Variants in RPS6KA6 observed in about 807,000 individuals in gnomAD.
RPS6KA6 encodes ribosomal protein S6 kinase alpha-6.
In RPS6KA6, 27 loss-of-function variants were observed where a neutral mutation model predicts 65.4. The ratio of observed to expected loss-of-function variants is 0.41; its 90% CI spans 0.30 to 0.57. RPS6KA6 has a LOEUF of 0.57. Among genes scored for constraint, RPS6KA6 ranks in the 20% least tolerant of loss-of-function variants. RPS6KA6 has a pLI of 0.24. For missense variants in RPS6KA6, 486 were observed against 555.6 expected, an observed-to-expected ratio of 0.87 and a Z score of 1.26; for synonymous variants, 190 against 184.2, an observed-to-expected ratio of 1.03 and a Z score of -0.26.
chrX:84,082,029 C>A (rs1363799816), intron 20 of RPS6KA6, among the ~76,000 whole-genome samples: 1 of 111,950 alleles, frequency 8.9e-6, no homozygotes, highest in Non-Finnish European at 1.9e-5. Context: ...CCTTTGAAAA[C>A]CGGCACAAGA....
intron 20 of RPS6KA6, among the ~76,000 whole-genome samples, chrX:84,091,328 A>C (rs1454308362): frequency 8.9e-6 from 1 of 112,726 alleles, no homozygotes; most frequent in Non-Finnish European, 1.9e-5. Flanking sequence ...TACCAGAAGA[A>C]ATGATTAGCT....
chrX:84,170,976 CTG>C lies in RPS6KA6; in HGVS notation c.82-6591_82-6590del, dbSNP rs747282100. Among the ~76,000 whole-genome samples, 19 of 111,588 alleles carry C rather than the reference CTG, an allele frequency of 1.7e-4. 1 individual carries two copies. The East Asian group carries it at 5.4e-3, about 32-fold the overall frequency. ...TTGAGAAAGTCCCCATAACGAGGGA[CTG>C]TGGCCATCCTCTAGGAACTACAGGC... On this transcript the variant is annotated intron_variant, in intron 1 of 21. Coordinates refer to ENST00000262752, the MANE Select transcript of RPS6KA6 (RefSeq NM_014496.5).
intron 10 of RPS6KA6, 65 bp from the exon 11 acceptor site, chrX:84,117,213 A>C: frequency 1.1e-6 from 1 of 916,627 alleles, no homozygotes. Context: ...GAAAAATCTC[A>C]AAAAGAACTT....
intron 1 of RPS6KA6, among the ~76,000 whole-genome samples, chrX:84,173,271 A>AT: frequency 9.0e-6 from 1 of 111,439 alleles, no homozygotes; most frequent in Non-Finnish European, 1.9e-5. Flanking sequence ...CAGGCATAGT[A>AT]TGTCATGAAA....
At chrX:84,177,954 A>T (rs6622947) in intron 1 of RPS6KA6, among the ~76,000 whole-genome samples, 6,819 of 110,445 alleles carry the variant, frequency 0.062, 228 homozygotes, top group East Asian at 0.21. Flanking sequence ...ACCACCACAC[A>T]CAGCTAATTT....
intron 3 of RPS6KA6, among the ~76,000 whole-genome samples, chrX:84,152,618 C>A (rs1569236676): frequency 9.0e-6 from 1 of 111,442 alleles, no homozygotes; most frequent in Non-Finnish European, 1.9e-5. Flanking sequence ...GTTATTCAAT[C>A]AACAAATTAA....
At position 84,154,652 on chromosome X, in the gene RPS6KA6, ACTT is replaced by A. The variant is rs1233378327; in HGVS notation, c.258+1420_258+1422del. ...TCAGTTCTATAAACATTCCCCACCAACTTCATCACCACCACCACCACCACCACC... is the reference window on the plus strand; with the variant it reads ...TCAGTTCTATAAACATTCCCCACCAACATCACCACCACCACCACCACCACC... On this transcript the variant is annotated intron_variant, in intron 3 of 21. Transcript: ENST00000262752. Among the ~76,000 whole-genome samples, 56 of 109,453 alleles carry A rather than the reference ACTT, an allele frequency of 5.1e-4. 1 individual carries two copies. The highest frequency in any genetic ancestry group is 2.6e-3 in the East Asian group (9 of 3,459).
chrX:84,150,167 AAG>A (rs1419815784), intron 3 of RPS6KA6, among the ~76,000 whole-genome samples: 2 of 111,946 alleles, frequency 1.8e-5, no homozygotes, highest in Admixed American at 1.9e-4. Context: ...CACAGAATTA[AAG>A]AGAGCTAGGG....
At chrX:84,131,340 T>A (rs182741696) in intron 8 of RPS6KA6, among the ~76,000 whole-genome samples, 50 of 112,859 alleles carry the variant, frequency 4.4e-4, no homozygotes, top group African/African-American at 1.5e-3. Flanking sequence ...TTTAAAAAAA[T>A]CACTTATTCT....
In RPS6KA6 at chrX:84,149,280, G is replaced by C. The variant is rs180845971; in HGVS notation, c.259-1157C>G. Among the ~76,000 whole-genome samples the C allele has an allele frequency of 2.6e-3, 286 of 111,069 alleles. 2 individuals are homozygous for C. Among genetic ancestry groups the C allele is most frequent in the African/African-American group, 9.1e-3 (279 of 30,564 alleles). On this transcript the variant is annotated intron_variant, in intron 3 of 21. Coordinates refer to ENST00000262752, the MANE Select transcript of RPS6KA6 (RefSeq NM_014496.5). The stretch of plus-strand genomic sequence containing the variant: ...TGAGCCCCTCCAAGTCATCCATAAG[G>C]GTTGGAATCAACTTCTTCCAAACTC...
At chrX:84,117,714 G>A (rs763662405) in intron 9 of RPS6KA6, among the ~76,000 whole-genome samples, 48 of 110,934 alleles carry the variant, frequency 4.3e-4, no homozygotes, top group African/African-American at 1.5e-3. Context: ...GTTCTAATTC[G>A]GCTATGTTCT....
At chrX:84,161,757 CA>C (rs1159511330) in intron 2 of RPS6KA6, among the ~76,000 whole-genome samples, 3 of 111,509 alleles carry the variant, frequency 2.7e-5, no homozygotes, top group Non-Finnish European at 5.7e-5. Flanking sequence ...CATTGTTTTT[CA>C]AAATATACAT....
At chrX:84,073,235 C>T (rs1267282503) in intron 20 of RPS6KA6, among the ~76,000 whole-genome samples, 1 of 111,259 alleles carries the variant, frequency 9.0e-6, no homozygotes, top group African/African-American at 3.3e-5. Context: ...CTCTTACAAC[C>T]AACTGATTTT....
intron 14 of RPS6KA6, 135 bp from the exon 15 acceptor site, chrX:84,106,622 T>C (rs1243471819): frequency 7.9e-6 from 4 of 507,559 alleles, no homozygotes; most frequent in East Asian, 7.8e-5. Flanking sequence ...TCGACATTTA[T>C]AAATGGCGTG....
chrX:84,127,682 G>A (rs2034821104), intron 8 of RPS6KA6, among the ~76,000 whole-genome samples: 1 of 110,363 alleles, frequency 9.1e-6, no homozygotes, highest in African/African-American at 3.3e-5. Context: ...CACTTAATAT[G>A]ACACATCATA....
chrX:84,154,313 T>C (rs1053618300), intron 3 of RPS6KA6, among the ~76,000 whole-genome samples: 1 of 111,247 alleles, frequency 9.0e-6, no homozygotes, highest in African/African-American at 3.3e-5. Flanking sequence ...TTAATTTTAT[T>C]TAATATTCAT....
At chrX:84,128,866 T>C (rs1401844101) in intron 8 of RPS6KA6, among the ~76,000 whole-genome samples, 1 of 111,981 alleles carries the variant, frequency 8.9e-6, no homozygotes, top group African/African-American at 3.2e-5. Context: ...AAAATTTACA[T>C]CTGAGACCTT....
At chrX:84,151,226 AT>A (rs2035318996) in intron 3 of RPS6KA6, among the ~76,000 whole-genome samples, 1 of 102,335 alleles carries the variant, frequency 9.8e-6, no homozygotes, top group Non-Finnish European at 2.0e-5. Context: ...ATATATAGAT[AT>A]AGATATATAG....
rs1215568358 is a variant in RPS6KA6 at position 84,059,042 on chromosome X, T to C, written c.*5235A>G. On this transcript the variant is annotated 3_prime_UTR_variant, in exon 22 of 22. Transcript: ENST00000262752. ...ATGGAATTTAATGCAAGATAAATTCTAACTTACAAACCATGCTGGAATTTG... is the reference window on the plus strand; with the variant it reads ...ATGGAATTTAATGCAAGATAAATTCCAACTTACAAACCATGCTGGAATTTG... 1.9e-5 allele frequency: 2 copies of C among 106,141 alleles called. No individual in the cohort carries two copies. The highest frequency in any genetic ancestry group is 6.9e-5 in the African/African-American group (2 of 29,181). 8.7% of individuals were successfully genotyped at this position (106,141 alleles called of 1,213,427 possible). A position where few individuals can be genotyped will look rare whatever the true frequency, so the allele number is the denominator to read the frequency against.
Sources: gnomAD v4.1 joint callset for allele counts (sites outside exome capture counted in the v4.1 genomes callset) on GRCh38, gnomAD v4.1.1 for gene constraint, MANE v1.5 for transcripts, NCBI Gene and HGNC (gene_info 2026-07-23, HGNC 2026-07-21) for gene names.